The following KRT38 variants were observed in gnomAD, a reference collection of about 807,000 sequenced individuals.
The protein encoded by KRT38 is keratin, type I cuticular Ha8.
A neutral mutation model predicts 43.1 loss-of-function variants in KRT38; 45 were observed. That is an observed-to-expected ratio of 1.04 (90% CI 0.82 to 1.34). The LOEUF (loss-of-function observed/expected upper bound fraction) is 1.34, where lower values mean the gene tolerates loss of function less well. Among genes scored for constraint, KRT38 ranks in the 40% most tolerant of loss-of-function variants. The pLI, the probability that KRT38 is intolerant of heterozygous loss-of-function variation, is 0.00. For missense variants in KRT38, 627 were observed against 586.2 expected (o/e 1.07, Z -0.72); for synonymous variants, 258 against 244.0 (o/e 1.06, Z -0.53).
intron 2 of KRT38, among the ~76,000 whole-genome samples, 162 bp downstream of exon 2, chr17:41,439,998 AG>A (rs1226514732): frequency 6.6e-6 from 1 of 152,192 alleles, no homozygotes; most frequent in Non-Finnish European, 1.5e-5. Flanking sequence ...ATTAATGAGG[AG>A]TTTTCCCTTC....
At position 41,440,849 on chromosome 17, in the gene KRT38, CAG is replaced by C; in HGVS notation, c.71_72del (p.Ser24CysfsTer73). The C allele has an allele frequency of 6.3e-7, 1 of 1,592,020 alleles. No individual in the cohort carries two copies. Among genetic ancestry groups the C allele is most frequent in the South Asian group, 1.2e-5 (1 of 86,112 alleles). ...CTMAPGARNV[S>X]VSPIDIGCQP... ...TGGCACCCAATGTCGATGGGAGAGA[CAG>C]AGACATTTCTTGCTCCAGGAGCCAT... On this transcript the variant is annotated frameshift_variant, in exon 1 of 7. Transcript: ENST00000246646. LOFTEE classifies it high-confidence loss of function.
At chr17:41,439,438 C>T (rs2018771254) in intron 2 of KRT38, 79 bp from the exon 3 acceptor site, 10 of 1,505,174 alleles carry the variant, frequency 6.6e-6, no homozygotes, top group South Asian at 2.4e-5. Flanking sequence ...CTACCTCCCA[C>T]ACCACCTTGG....
intron 2 of KRT38, among the ~76,000 whole-genome samples, chr17:41,439,800 G>A (rs995099957): frequency 3.3e-5 from 5 of 152,028 alleles, no homozygotes; most frequent in African/African-American, 4.8e-5. Flanking sequence ...GTACCTTAGG[G>A]CTCCCTAATT....
chr17:41,436,460 G>A lies in KRT38; in HGVS notation c.*952C>T, dbSNP rs1226495554. 1 of 152,228 alleles carries A rather than the reference G, an allele frequency of 6.6e-6. No homozygotes were observed. The highest frequency in any genetic ancestry group is 2.4e-5 in the African/African-American group (1 of 41,420). The allele number at this position is 152,228 out of a possible 1,614,324, so 9.4% of individuals were successfully genotyped here. ...AAGGAAGAGCAGGGACAGGTCTCCA[G>A]GCATGTCCAAGGAACAGAAAGGCCA... is the stretch of plus-strand genomic sequence containing the variant. On this transcript the variant is annotated 3_prime_UTR_variant, in exon 7 of 7. Coordinates refer to ENST00000246646, the MANE Select transcript of KRT38 (RefSeq NM_006771.4).
chr17:41,440,833 A>G lies in KRT38; in HGVS notation c.89T>C (p.Ile30Thr). 1.1e-5 allele frequency: 17 copies of G among 1,604,884 alleles called. No individual in the cohort carries two copies. The highest frequency in any genetic ancestry group is 1.4e-5 in the Non-Finnish European group (16 of 1,175,468). ...ARNVSVSPID[I>T]GCQPGAEANI... ...GGCCTCTGCCCCAGGCTGGCACCCAATGTCGATGGGAGAGACAGAGACATT... is the reference window on the plus strand; with the variant it reads ...GGCCTCTGCCCCAGGCTGGCACCCAGTGTCGATGGGAGAGACAGAGACATT... The change falls in exon 1 of 7, where the codon ATT (isoleucine) becomes ACT (threonine). Residue 30 changes from isoleucine to threonine, a missense_variant. Coordinates refer to ENST00000246646, the MANE Select transcript of KRT38 (RefSeq NM_006771.4).
chr17:41,438,007 A>T, intron 6 of KRT38, 86 bp downstream of exon 6: 2 of 1,321,352 alleles, frequency 1.5e-6, no homozygotes, highest in Non-Finnish European at 2.1e-6. Flanking sequence ...GCCTCATTCT[A>T]CATAGAGACA....
At position 41,440,532 on chromosome 17, in the gene KRT38, C is replaced by T. The variant is rs140403353; in HGVS notation, c.390G>A (p.Ala130=). ...TCTCGAGGAGTGTGGCCTCCAGCTC[C>T]GCATTCTCCTGCTCCAGCTGGCGCA... ...EKVRQLEQEN[A]ELEATLLERS... Residue 130 remains alanine, a synonymous_variant, in exon 1 of 7, where the codon GCG becomes GCA. Transcript: ENST00000246646. 4.0e-5 allele frequency: 64 copies of T among 1,614,096 alleles called. No homozygotes were observed. Among genetic ancestry groups the T allele is most frequent in the Middle Eastern group, 1.6e-4 (1 of 6,084 alleles).
chr17:41,437,159 G>A lies in KRT38; in HGVS notation c.*253C>T. On this transcript the variant is annotated 3_prime_UTR_variant, in exon 7 of 7. Coordinates refer to ENST00000246646, the MANE Select transcript of KRT38 (RefSeq NM_006771.4). ...ACTCCAAAATGCTTTTCAACCTTAT[G>A]CCTCTCCAATCCAGATATTCTGAGC... The A allele has an allele frequency of 2.6e-6, 1 of 379,764 alleles. No individual in the cohort carries two copies. The allele number at this position is 379,764 out of a possible 1,614,324, so 23.5% of individuals were successfully genotyped here. A position where few individuals can be genotyped will look rare whatever the true frequency, so the allele number is the denominator to read the frequency against.
chr17:41,438,656 G>A (rs1312445535), intron 4 of KRT38, 40 bp from the exon 5 acceptor site: 2 of 1,605,852 alleles, frequency 1.2e-6, no homozygotes, highest in Non-Finnish European at 1.7e-6. Flanking sequence ...CTGCCCAGAT[G>A]GAGGCCAGGT....
chr17:41,438,690 C>CA lies in KRT38; in HGVS notation c.894+6dup, dbSNP rs771825065. On this transcript the variant is annotated splice_region_variant and intron_variant, in intron 4 of 6. Coordinates refer to ENST00000246646, the MANE Select transcript of KRT38 (RefSeq NM_006771.4). ...GTACCCCCTGGTTCTATACCCCCCC[C>CA]ACTCACCTGGGCTTGGAACCACTGT... The CA allele has an allele frequency of 9.4e-6, 15 of 1,599,240 alleles. No homozygotes were observed. The highest frequency in any genetic ancestry group is 1.7e-5 in the Admixed American group (1 of 57,260).
At position 41,440,453 on chromosome 17, in the gene KRT38, T is replaced by C. The variant is rs1312641935; in HGVS notation, c.469A>G (p.Thr157Ala). 1 of 1,613,948 alleles carries C rather than the reference T, an allele frequency of 6.2e-7. No homozygotes were observed. Among genetic ancestry groups the C allele is most frequent in the Admixed American group, 1.7e-5 (1 of 60,006 alleles). Residue 157 changes from threonine to alanine, a missense_variant, in exon 1 of 7, where the codon ACC (threonine) becomes GCC (alanine). Thr to Ala is a moderately conservative substitution (Grantham distance 58, BLOSUM62 0). Coordinates refer to ENST00000246646, the MANE Select transcript of KRT38 (RefSeq NM_006771.4). ...ACCTTCTGTTGGAGCTCCTCGATGG[T>C]GTGGAAGTAAGACTGGTAGTCGGGG... ...VCPDYQSYFHTIEELQQKILC... is the reference protein window; with the variant it reads ...VCPDYQSYFHAIEELQQKILC...
At position 41,439,188 on chromosome 17, in the gene KRT38, C is replaced by T. The variant is rs745410866; in HGVS notation, c.732+15G>A. 32 of 1,610,198 alleles carry T rather than the reference C, an allele frequency of 2.0e-5. No individual in the cohort carries two copies. Among genetic ancestry groups the T allele is most frequent in the South Asian group, 4.4e-5 (4 of 90,688 alleles). ...CCAGTGCCCTCCCCAGGAGTTTGAG[C>T]GCCCAGGGCCACACCTGCTCGTGGT... On this transcript the variant is annotated intron_variant, in intron 3 of 6. Coordinates refer to ENST00000246646, the MANE Select transcript of KRT38 (RefSeq NM_006771.4).
Position 41,437,386 on chromosome 17 carries a change from G to A in KRT38, c.*26C>T, listed in dbSNP as rs117706286. Reference sequence around the variant, plus strand: ...CTCTCTTTGGGTATCCCTCGCCTTAGCCAGCCCCTGTGGGTCCACAGGAAT... The same window carrying A: ...CTCTCTTTGGGTATCCCTCGCCTTAACCAGCCCCTGTGGGTCCACAGGAAT... On this transcript the variant is annotated 3_prime_UTR_variant, in exon 7 of 7. Coordinates refer to ENST00000246646, the MANE Select transcript of KRT38 (RefSeq NM_006771.4). The A allele has an allele frequency of 2.0e-6, 3 of 1,520,726 alleles. No individual in the cohort carries two copies. Among genetic ancestry groups the A allele is most frequent in the Non-Finnish European group, 2.6e-6 (3 of 1,140,740 alleles). 94.2% of individuals were successfully genotyped at this position (1,520,726 alleles called of 1,614,324 possible). A position where few individuals can be genotyped will look rare whatever the true frequency, so the allele number is the denominator to read the frequency against.
chr17:41,439,163 C>T (rs765479413), intron 3 of KRT38, 40 bp downstream of exon 3: 1 of 1,598,354 alleles, frequency 6.3e-7, no homozygotes, highest in East Asian at 2.2e-5. Context: ...CCCTGTCTGC[C>T]CAGTGCCCTC....
Position 41,440,678 on chromosome 17 carries a change from T to C in KRT38, c.244A>G (p.Thr82Ala), listed in dbSNP as rs745509115. The change falls in exon 1 of 7, where the codon ACC becomes GCC. Residue 82 changes from threonine (T) to alanine (A), a missense_variant. Coordinates refer to ENST00000246646, the MANE Select transcript of KRT38 (RefSeq NM_006771.4). ...TCHTACPLPG[T>A]CHIPGNIGIC... ...CCAATGTTGCCAGGAATGTGGCAGG[T>C]CCCTGGCAAGGGACAAGCAGTGTGG... 6.2e-7 allele frequency: 1 copy of C among 1,613,988 alleles called. No homozygotes were observed. Among genetic ancestry groups the C allele is most frequent in the South Asian group, 1.1e-5 (1 of 91,072 alleles).
intron 3 of KRT38, 46 bp downstream of exon 3, chr17:41,439,157 G>A (rs753932248): frequency 1.3e-6 from 2 of 1,589,576 alleles, no homozygotes; most frequent in South Asian, 2.3e-5. Context: ...GAGCTCCCCT[G>A]TCTGCCCAGT....
chr17:41,440,260 G>A lies in KRT38; in HGVS notation c.493-17C>T. 1.2e-6 allele frequency: 2 copies of A among 1,613,644 alleles called. No individual in the cohort carries two copies. Among genetic ancestry groups the A allele is most frequent in the Non-Finnish European group, 1.7e-6 (2 of 1,179,570 alleles). ...GCACAGGATCTGAGGAGAACAGGAA[G>A]ACAGTTCACACACAAAGCATCATGC... On this transcript the variant is annotated splice_polypyrimidine_tract_variant and intron_variant, in intron 1 of 6. Transcript: ENST00000246646.
At chr17:41,438,973 CA>C in intron 3 of KRT38, 115 bp from the exon 4 acceptor site, 1 of 1,371,590 alleles carries the variant, frequency 7.3e-7, no homozygotes, top group Non-Finnish European at 1.0e-6. Context: ...CACACACAAG[CA>C]AATGGGAAAG....
In KRT38 at chr17:41,438,146, C is replaced by A. The variant is rs150371813; in HGVS notation, c.1188G>T (p.Arg396=). 820 of 1,614,174 alleles carry A rather than the reference C, an allele frequency of 5.1e-4. No individual in the cohort carries two copies. Among genetic ancestry groups the A allele is most frequent in the Admixed American group, 1.6e-3 (95 of 60,018 alleles). The change falls in exon 6 of 7, where the codon CGG becomes CGT. Residue 396 remains arginine (R), a synonymous_variant. Transcript: ENST00000246646. The part of the protein sequence containing the change: ...EYQVLLDVKT[R]LENEIATYRN... ...GGTACGTGGCAATCTCATTCTCCAGCCGGGTCTTCACGTCCAGCAGCACCT... is the reference window on the plus strand; with the variant it reads ...GGTACGTGGCAATCTCATTCTCCAGACGGGTCTTCACGTCCAGCAGCACCT...
Sources: gnomAD v4.1 joint callset for allele counts (sites outside exome capture counted in the v4.1 genomes callset) on GRCh38, gnomAD v4.1.1 for gene constraint, MANE v1.5 for transcripts, NCBI Gene and HGNC (gene_info 2026-07-23, HGNC 2026-07-21) for gene names.